The following RBFOX1 variants were observed in gnomAD, a reference collection of about 807,000 sequenced individuals.
RBFOX1 encodes the protein RNA binding fox-1 homolog 1.
A neutral mutation model predicts 57.7 loss-of-function variants in RBFOX1; 8 were observed. That is an observed-to-expected ratio of 0.14 (90% CI 0.08 to 0.25). The LOEUF is 0.25. Among genes scored for constraint, RBFOX1 ranks in the 10% least tolerant of loss-of-function variants. The pLI, the probability that RBFOX1 is intolerant of heterozygous loss-of-function variation, is 1.00. For synonymous variants in RBFOX1, 326 were observed against 222.4 expected (o/e 1.47, Z -4.15); for missense variants, 611 against 548.5 (o/e 1.11, Z -1.14).
rs182717081 is a variant in RBFOX1 at position 5,742,974 on chromosome 16, T to C, written c.319-124329T>C. 1.1e-4 allele frequency among the ~76,000 whole-genome samples: 17 copies of C among 152,290 alleles called. No homozygotes were observed. In the East Asian group the frequency reaches 1.7e-3, roughly 16 times the overall value. On this transcript the variant is annotated intron_variant, in intron 3 of 19. Transcript: ENST00000641259. The stretch of plus-strand genomic sequence containing the variant: ...CAACAGACACTGAACGTGTGCTGGG[T>C]CAGGCAGGAGGCATGCTATTTTGCA...
chr16:6,747,776 A>G (rs1214037328), intron 3 of RBFOX1, among the ~76,000 whole-genome samples: 2 of 152,060 alleles, frequency 1.3e-5, no homozygotes, highest in Non-Finnish European at 2.9e-5. Context: ...GGGAGTTGTC[A>G]ATCTACATGC....
chr16:6,852,724 G>GTT (rs1567561375), intron 3 of RBFOX1, among the ~76,000 whole-genome samples: 2 of 152,060 alleles, frequency 1.3e-5, no homozygotes, highest in African/African-American at 2.4e-5. Context: ...CGAGGCGTGG[G>GTT]CTGGGAACTA....
At chr16:5,726,751 G>C (rs2052167031) in intron 3 of RBFOX1, among the ~76,000 whole-genome samples, 1 of 152,212 alleles carries the variant, frequency 6.6e-6, no homozygotes, top group Non-Finnish European at 1.5e-5. Context: ...TGTGACATAT[G>C]ATTAGTACAG....
intron 4 of RBFOX1, among the ~76,000 whole-genome samples, chr16:5,991,337 C>T (rs1274719059): frequency 6.6e-6 from 1 of 152,168 alleles, no homozygotes; most frequent in Non-Finnish European, 1.5e-5. Context: ...CCTTCCTTTC[C>T]CTTGCAAACG....
chr16:6,567,281 C>T (rs1334788114), intron 2 of RBFOX1, among the ~76,000 whole-genome samples: 2 of 152,154 alleles, frequency 1.3e-5, no homozygotes, highest in South Asian at 2.1e-4. Context: ...CCCCTTTATC[C>T]TGTGAGGCAA....
At chr16:5,789,487 A>C (rs1430028468) in intron 3 of RBFOX1, among the ~76,000 whole-genome samples, 1 of 152,036 alleles carries the variant, frequency 6.6e-6, no homozygotes, top group African/African-American at 2.4e-5. Flanking sequence ...ATGTATTTGG[A>C]GTCAAGTTTT....
chr16:6,545,009 T>C (rs2096875668), intron 2 of RBFOX1, among the ~76,000 whole-genome samples: 1 of 152,216 alleles, frequency 6.6e-6, no homozygotes, highest in Non-Finnish European at 1.5e-5. Context: ...CTTTTTTTTA[T>C]AGGCTGACCA....
chr16:7,232,474 A>T (rs2093556505), intron 4 of RBFOX1, among the ~76,000 whole-genome samples: 1 of 152,138 alleles, frequency 6.6e-6, no homozygotes, highest in South Asian at 2.1e-4. Flanking sequence ...AATAGCCTGC[A>T]TGCAAATACC....
At chr16:7,454,936 C>T (rs895006753) in intron 4 of RBFOX1, among the ~76,000 whole-genome samples, 1 of 152,144 alleles carries the variant, frequency 6.6e-6, no homozygotes, top group African/African-American at 2.4e-5. Context: ...CTGGGCCAAC[C>T]CCTTTTCCCA....
At chr16:5,290,353 C>G (rs2063503451) in intron 1 of RBFOX1, among the ~76,000 whole-genome samples, 1 of 152,002 alleles carries the variant, frequency 6.6e-6, no homozygotes, top group South Asian at 2.1e-4. Context: ...GAGACTCTAT[C>G]TCAAAAAAAG....
chr16:5,652,887 A>C (rs967364407), intron 3 of RBFOX1, among the ~76,000 whole-genome samples: 5 of 152,212 alleles, frequency 3.3e-5, no homozygotes, highest in Non-Finnish European at 2.9e-5. Context: ...AGGTAGCATG[A>C]TGTGTATAGT....
chr16:7,075,115 T>C (rs180830848), intron 4 of RBFOX1, among the ~76,000 whole-genome samples: 1 of 152,352 alleles, frequency 6.6e-6, no homozygotes, highest in East Asian at 1.9e-4. Flanking sequence ...AAATGTGTAC[T>C]CATGGGGCTG....
chr16:6,833,124 C>CTT (rs139382540), intron 3 of RBFOX1, among the ~76,000 whole-genome samples: 1 of 151,018 alleles, frequency 6.6e-6, no homozygotes, highest in African/African-American at 2.4e-5. Context: ...TGGCACTTTC[C>CTT]TTTTTTTTCA....
chr16:5,859,196 C>G (rs988328107), intron 3 of RBFOX1, among the ~76,000 whole-genome samples: 2 of 152,136 alleles, frequency 1.3e-5, no homozygotes, highest in South Asian at 4.1e-4. Context: ...CACAGCGAGA[C>G]TCTGTCTCAC....
intron 1 of RBFOX1, among the ~76,000 whole-genome samples, chr16:6,261,412 G>A (rs1042785517): frequency 1.3e-5 from 2 of 152,170 alleles, no homozygotes; most frequent in Non-Finnish European, 2.9e-5. Flanking sequence ...CAAACAACTG[G>A]CTGTTCCAGC....
At chr16:6,316,809 G>A (rs982265649) in intron 1 of RBFOX1, among the ~76,000 whole-genome samples, 186 bp from the exon 2 acceptor site, 1 of 152,154 alleles carries the variant, frequency 6.6e-6, no homozygotes, top group African/African-American at 2.4e-5. Flanking sequence ...CTGAGAGGAT[G>A]TAATAAAAAT....
intron 2 of RBFOX1, among the ~76,000 whole-genome samples, chr16:6,552,003 A>G (rs562877565): frequency 6.6e-6 from 1 of 152,302 alleles, no homozygotes; most frequent in South Asian, 2.1e-4. Context: ...TCAATTCAGA[A>G]CATCTATTAG....
chr16:6,578,801 A>AT (rs1204571623), intron 2 of RBFOX1, among the ~76,000 whole-genome samples: 1 of 152,022 alleles, frequency 6.6e-6, no homozygotes, highest in Non-Finnish European at 1.5e-5. Flanking sequence ...TATAATATAG[A>AT]TTTTTTTAAG....
At chr16:6,347,355 G>C (rs62016218) in intron 2 of RBFOX1, among the ~76,000 whole-genome samples, 5 of 152,122 alleles carry the variant, frequency 3.3e-5, no homozygotes, top group African/African-American at 1.2e-4. Flanking sequence ...ACTATGCTTG[G>C]TTCTAAAGAT....
Sources: allele counts gnomAD v4.1 joint callset (sites outside exome capture counted in the v4.1 genomes callset), GRCh38; gene constraint gnomAD v4.1.1; transcripts MANE v1.5; gene names NCBI Gene and HGNC (gene_info 2026-07-23, HGNC 2026-07-21).